Variants in LRP1B observed in about 807,000 individuals in gnomAD.
LRP1B encodes LDL receptor related protein 1B.
LRP1B carries 217 observed loss-of-function variants against 556.6 expected under a neutral mutation model. The ratio of observed to expected loss-of-function variants is 0.39; its 90% CI spans 0.35 to 0.44. The LOEUF (loss-of-function observed/expected upper bound fraction) is 0.44, where lower values mean the gene tolerates loss of function less well. LRP1B is among the 20% of genes least tolerant of loss of function. LRP1B has a pLI of 1.00. For synonymous variants in LRP1B, 2,047 were observed against 1,865.8 expected (o/e 1.10, Z -2.50); for missense variants, 5,053 against 5,620.8 (o/e 0.90, Z 3.23).
chr2:141,851,397 C>T (rs1039245423), intron 1 of LRP1B, among the ~76,000 whole-genome samples: 2 of 151,748 alleles, frequency 1.3e-5, no homozygotes, highest in African/African-American at 4.8e-5. Flanking sequence ...TTCATAAATG[C>T]TATTTCCTAT....
At chr2:140,956,327 T>C (rs966149148) in intron 18 of LRP1B, among the ~76,000 whole-genome samples, 2 of 151,794 alleles carry the variant, frequency 1.3e-5, no homozygotes, top group African/African-American at 4.8e-5. Flanking sequence ...ACATTATTTT[T>C]TTCACTATAC....
At chr2:141,856,993 C>T (rs934582036) in intron 1 of LRP1B, among the ~76,000 whole-genome samples, 1 of 151,558 alleles carries the variant, frequency 6.6e-6, no homozygotes, top group Non-Finnish European at 1.5e-5. Context: ...ATGTCCTCAA[C>T]TCTAAAATGT....
chr2:140,515,212 T>C (rs1463211319), intron 50 of LRP1B, among the ~76,000 whole-genome samples: 1 of 151,974 alleles, frequency 6.6e-6, no homozygotes, highest in Non-Finnish European at 1.5e-5. Context: ...TCAGCAGATA[T>C]GTTTGTTTTT....
intron 86 of LRP1B, among the ~76,000 whole-genome samples, chr2:140,258,712 T>G (rs1241889675): frequency 6.6e-6 from 1 of 152,128 alleles, no homozygotes; most frequent in Non-Finnish European, 1.5e-5. Context: ...ACAGATGTCA[T>G]TAGCAATTTC....
intron 2 of LRP1B, among the ~76,000 whole-genome samples, chr2:141,508,537 A>G (rs1200817139): frequency 2.6e-5 from 4 of 152,164 alleles, no homozygotes. Context: ...TCAAATCTAC[A>G]TAGCTAGTGA....
At chr2:142,067,096 A>G (rs1021543829) in intron 1 of LRP1B, among the ~76,000 whole-genome samples, 13 of 151,452 alleles carry the variant, frequency 8.6e-5, no homozygotes, top group Admixed American at 7.9e-4. Flanking sequence ...CATCATTCCA[A>G]ACTCTGCTTC....
rs954433206 is a variant in LRP1B, at chr2:141,518,905, G to A, written c.206-38372C>T. The stretch of plus-strand genomic sequence containing the variant: ...GCGGAGGCTGCAGTGAGCTGAGATC[G>A]TGCCATTGCACTCCAGCCTGGACAA... On this transcript the variant is annotated intron_variant, in intron 2 of 90. Transcript: ENST00000389484. Among the ~76,000 whole-genome samples, 4 of 151,988 alleles carry A rather than the reference G, an allele frequency of 2.6e-5. No homozygotes were observed. The East Asian group carries it at 5.8e-4, about 22-fold the overall frequency.
At chr2:140,917,295 TACAAATAC>T (rs994051005) in intron 21 of LRP1B, among the ~76,000 whole-genome samples, 2 of 152,142 alleles carry the variant, frequency 1.3e-5, no homozygotes, top group African/African-American at 2.4e-5. Flanking sequence ...AGCCATTGCT[TACAAATAC>T]TGAACATACT....
At chr2:141,326,227 T>C (rs973351254) in intron 3 of LRP1B, among the ~76,000 whole-genome samples, 3 of 152,072 alleles carry the variant, frequency 2.0e-5, no homozygotes, top group Non-Finnish European at 2.9e-5. Context: ...TACAGATAAG[T>C]TAATTTTTTA....
chr2:141,480,235 C>A, intron 3 of LRP1B, 161 bp downstream of exon 3: 1 of 733,510 alleles, frequency 1.4e-6, no homozygotes, highest in Non-Finnish European at 2.3e-6. Context: ...ATACTTGCAG[C>A]TTTGAAATGC....
At chr2:140,296,144 G>C (rs1683593721) in intron 84 of LRP1B, among the ~76,000 whole-genome samples, 1 of 152,084 alleles carries the variant, frequency 6.6e-6, no homozygotes, top group Non-Finnish European at 1.5e-5. Flanking sequence ...CAACAGTTTT[G>C]AGTGCCAACA....
intron 1 of LRP1B, among the ~76,000 whole-genome samples, chr2:142,121,623 A>G (rs1342601956): frequency 6.6e-6 from 1 of 152,184 alleles, no homozygotes; most frequent in Non-Finnish European, 1.5e-5. Context: ...CTGCGATTAT[A>G]ACTACGACTC....
chr2:141,066,122 T>C (rs1699475091), intron 7 of LRP1B, among the ~76,000 whole-genome samples: 1 of 151,998 alleles, frequency 6.6e-6, no homozygotes, highest in African/African-American at 2.4e-5. Flanking sequence ...AACAACTGTC[T>C]CTATTTCTAA....
At chr2:141,439,470 TATA>T (rs1213813562) in intron 3 of LRP1B, among the ~76,000 whole-genome samples, 1 of 151,642 alleles carries the variant, frequency 6.6e-6, no homozygotes, top group Non-Finnish European at 1.5e-5. Flanking sequence ...AAATCTTATT[TATA>T]ATAATTTTAT....
At chr2:140,469,596 T>G (rs1004404579) in intron 60 of LRP1B, among the ~76,000 whole-genome samples, 1 of 151,998 alleles carries the variant, frequency 6.6e-6, no homozygotes, top group African/African-American at 2.4e-5. Flanking sequence ...AGTGGCTTTG[T>G]TTTTGTGTGT....
At chr2:141,603,152 G>A (rs1418038281) in intron 2 of LRP1B, among the ~76,000 whole-genome samples, 14 of 152,142 alleles carry the variant, frequency 9.2e-5, no homozygotes, top group Admixed American at 7.9e-4. Context: ...AGCAACATCA[G>A]TATCTGACTC....
At chr2:141,197,053 T>A (rs909293975) in intron 6 of LRP1B, among the ~76,000 whole-genome samples, 1 of 152,156 alleles carries the variant, frequency 6.6e-6, no homozygotes, top group Non-Finnish European at 1.5e-5. Flanking sequence ...TTGATCCTCA[T>A]TTGCCTTCTA....
chr2:141,152,789 T>G (rs1701956597), intron 7 of LRP1B, among the ~76,000 whole-genome samples: 1 of 151,842 alleles, frequency 6.6e-6, no homozygotes, highest in Non-Finnish European at 1.5e-5. Context: ...TCGGTTAAAT[T>G]CTTTGTTGTG....
intron 3 of LRP1B, among the ~76,000 whole-genome samples, chr2:141,381,029 A>T (rs575317318): frequency 0.048 from 7,354 of 152,160 alleles, 210 homozygotes; most frequent in South Asian, 0.08. Flanking sequence ...AAGAAAAGTG[A>T]AGAAAACATA....
Sources: allele counts gnomAD v4.1 joint callset (sites outside exome capture counted in the v4.1 genomes callset), GRCh38; gene constraint gnomAD v4.1.1; transcripts MANE v1.5; gene names NCBI Gene and HGNC (gene_info 2026-07-23, HGNC 2026-07-21).